Variants in LARGE1 observed in about 807,000 individuals in gnomAD.
The protein encoded by LARGE1 is LARGE xylosyl- and glucuronyltransferase 1.
Under a neutral mutation model 87.6 loss-of-function variants are expected in LARGE1, and 43 were observed. The ratio of observed to expected loss-of-function variants is 0.49; its 90% confidence interval spans 0.38 to 0.63. The LOEUF (loss-of-function observed/expected upper bound fraction) is 0.63, where lower values mean the gene tolerates loss of function less well. LARGE1 is among the 30% of genes least tolerant of loss of function. The pLI is 0.00. For synonymous variants in LARGE1, 434 were observed against 394.6 expected, an observed-to-expected ratio of 1.10 and a Z score of -1.18; for missense variants, 802 against 1,000.2, an observed-to-expected ratio of 0.80 and a Z score of 2.67.
chr22:33,474,981 T>C (rs2069009760), intron 6 of LARGE1, among the ~76,000 whole-genome samples: 1 of 152,184 alleles, frequency 6.6e-6, no homozygotes, highest in South Asian at 2.1e-4. Flanking sequence ...TATCAGAAGA[T>C]AAGGAGATGG....
chr22:33,293,432 T>C (rs892604158), intron 12 of LARGE1, among the ~76,000 whole-genome samples: 1 of 152,222 alleles, frequency 6.6e-6, no homozygotes, highest in Non-Finnish European at 1.5e-5. Flanking sequence ...GTTATCATCA[T>C]CATCATATAA....
intron 11 of LARGE1, among the ~76,000 whole-genome samples, chr22:33,185,077 T>C (rs1213202080): frequency 2.0e-5 from 3 of 152,136 alleles, no homozygotes; most frequent in Non-Finnish European, 2.9e-5. Context: ...AATTAAAAAC[T>C]TATGGTCACA....
intron 1 of LARGE1, among the ~76,000 whole-genome samples, chr22:33,864,603 C>T (rs2064030827): frequency 6.6e-6 from 1 of 152,106 alleles, no homozygotes; most frequent in South Asian, 2.1e-4. Flanking sequence ...CCACACTATC[C>T]CCAGTACCAT....
At chr22:33,148,245 A>C in the LARGE1 span, among the ~76,000 whole-genome samples, 1 of 152,224 alleles carries the variant, frequency 6.6e-6, no homozygotes, top group Non-Finnish European at 1.5e-5. Context: ...CAGTCTGTGT[A>C]ACCTGTTATA....
At chr22:33,854,948 C>T (rs923372107) in intron 1 of LARGE1, among the ~76,000 whole-genome samples, 1 of 152,152 alleles carries the variant, frequency 6.6e-6, no homozygotes, top group African/African-American at 2.4e-5. Flanking sequence ...ATTACAAAAC[C>T]CCAGAGGCAG....
chr22:33,837,674 G>A (rs2063149278), intron 1 of LARGE1, among the ~76,000 whole-genome samples: 2 of 152,234 alleles, frequency 1.3e-5, no homozygotes, highest in African/African-American at 2.4e-5. Context: ...AGCTGACCCA[G>A]GTGAGTGTGT....
chr22:33,382,828 G>T (rs1289926478), intron 8 of LARGE1, among the ~76,000 whole-genome samples: 1 of 152,138 alleles, frequency 6.6e-6, no homozygotes, highest in Non-Finnish European at 1.5e-5. Flanking sequence ...GAGGCTGGTG[G>T]ACGATTTTCC....
intron 4 of LARGE1, among the ~76,000 whole-genome samples, chr22:33,615,397 A>G (rs1329639115): frequency 6.6e-6 from 1 of 152,216 alleles, no homozygotes; most frequent in Non-Finnish European, 1.5e-5. Flanking sequence ...AAAATGCAGG[A>G]GCAAATCTTT....
At chr22:33,415,334 A>G (rs1440792228) in intron 7 of LARGE1, among the ~76,000 whole-genome samples, 1 of 152,268 alleles carries the variant, frequency 6.6e-6, no homozygotes, top group Non-Finnish European at 1.5e-5. Flanking sequence ...AAATAGAATC[A>G]TTTATAAGAA....
intron 1 of LARGE1, among the ~76,000 whole-genome samples, chr22:33,825,520 C>T (rs774992069): frequency 6.6e-6 from 1 of 152,116 alleles, no homozygotes; most frequent in South Asian, 2.1e-4. Flanking sequence ...TCCTTCTTCA[C>T]ATGGTGGCAG....
rs147336247 is a variant in LARGE1 at position 33,716,977 on chromosome 22, G to C, written c.106+44394C>G. On this transcript the variant is annotated intron_variant, in intron 2 of 14. Coordinates refer to ENST00000397394, the MANE Select transcript of LARGE1 (RefSeq NM_133642.5). ...ATATCAAATGAATGAGTTCTTACTT[G>C]TTTAAACCATTAAACAACTTAATTG... Among the ~76,000 whole-genome samples the C allele has an allele frequency of 4.5e-3, 691 of 152,302 alleles. 7 individuals are homozygous for C. Among genetic ancestry groups the C allele is most frequent in the Non-Finnish European group, 5.1e-3 (347 of 68,010 alleles).
chr22:33,561,957 C>G (rs1225273817), intron 6 of LARGE1, among the ~76,000 whole-genome samples: 1 of 152,244 alleles, frequency 6.6e-6, no homozygotes, highest in Non-Finnish European at 1.5e-5. Context: ...CAAGCGCAAT[C>G]TGACCAAGAG....
chr22:33,136,344 G>A, the LARGE1 span, among the ~76,000 whole-genome samples: 1 of 152,180 alleles, frequency 6.6e-6, no homozygotes, highest in African/African-American at 2.4e-5. Flanking sequence ...CAGCAGACAA[G>A]AGAGAATGAG....
At position 33,221,798 on chromosome 22, in the gene LARGE1, A is replaced by AACCT. The variant is rs1485532569; in HGVS notation, c.1731-54970_1731-54967dup. On this transcript the variant is annotated intron_variant, in intron 11 of 11. Coordinates refer to the LARGE1 transcript ENST00000608642. ...TTGACCCAGATATGAAACTTCCTGA[A>AACCT]ACCTCCACTCACCAAATAGGAACCA... The AACCT allele has an allele frequency of 3.9e-5, 6 of 152,340 alleles. No individual in the cohort carries two copies. The East Asian group carries it at 1.2e-3, about 29-fold the overall frequency. The allele number at this position is 152,340 out of a possible 1,614,324, so 9.4% of individuals were successfully genotyped here.
intron 11 of LARGE1, among the ~76,000 whole-genome samples, chr22:33,259,174 G>A (rs376099617): frequency 1.3e-5 from 2 of 152,086 alleles, no homozygotes; most frequent in African/African-American, 2.4e-5. Flanking sequence ...CACTACACCC[G>A]GCCAACTTTA....
At chr22:33,228,536 T>C (rs776743088) in intron 11 of LARGE1, among the ~76,000 whole-genome samples, 29 of 152,228 alleles carry the variant, frequency 1.9e-4, no homozygotes, top group Non-Finnish European at 3.2e-4. Context: ...CTCTAACAAC[T>C]TGGCAGGCTG....
chr22:33,573,384 A>G (rs1474238880), intron 5 of LARGE1, among the ~76,000 whole-genome samples: 1 of 152,174 alleles, frequency 6.6e-6, no homozygotes, highest in Non-Finnish European at 1.5e-5. Flanking sequence ...GGTTGCAGTG[A>G]GCCGAGATCG....
intron 6 of LARGE1, among the ~76,000 whole-genome samples, chr22:33,518,129 G>C (rs1365898549): frequency 6.6e-6 from 1 of 152,236 alleles, no homozygotes; most frequent in Non-Finnish European, 1.5e-5. Flanking sequence ...CAAGAAGCTA[G>C]AATAATGGTT....
At chr22:33,208,254 G>A (rs947355464) in intron 11 of LARGE1, among the ~76,000 whole-genome samples, 5 of 152,180 alleles carry the variant, frequency 3.3e-5, no homozygotes, top group Admixed American at 2.0e-4. Flanking sequence ...TATGAAAATC[G>A]TATAGGCCAC....
Sources: gnomAD v4.1 joint callset for allele counts (sites outside exome capture counted in the v4.1 genomes callset) on GRCh38, gnomAD v4.1.1 for gene constraint, MANE v1.5 for transcripts, NCBI Gene and HGNC (gene_info 2026-07-23, HGNC 2026-07-21) for gene names.